CABP4: variants seen among roughly 807,000 people sequenced by gnomAD.
CABP4 encodes the protein calcium binding protein 4.
Under a neutral mutation model 30.7 loss-of-function variants are expected in CABP4, and 30 were observed. The observed-to-expected ratio is 0.98, with a 90% CI of 0.73 to 1.33. The LOEUF is 1.33. Ranked by LOEUF, CABP4 falls within the 40% of genes most tolerant of loss-of-function variation. The probability of loss-of-function intolerance (pLI) is 0.00; values close to 1 mark genes in which losing one functional copy is unlikely to be tolerated. For missense variants in CABP4, 424 were observed against 395.5 expected (o/e 1.07, Z -0.61); for synonymous variants, 161 against 159.2 (o/e 1.01, Z -0.08).
upstream of CABP4, among the ~76,000 whole-genome samples, chr11:67,455,070 A>G (rs1864712901): frequency 6.6e-6 from 1 of 152,180 alleles, no homozygotes; most frequent in Non-Finnish European, 1.5e-5. Context: ...CTCTAGCATT[A>G]TTCCCCATGT....
At chr11:67,455,888 C>T (rs1864768023) in intron 1 of CABP4, 99 bp downstream of exon 1, 2 of 1,454,192 alleles carry the variant, frequency 1.4e-6, no homozygotes, top group East Asian at 2.5e-5. Context: ...CCCTCTGCCT[C>T]TTCTGCCCCA....
chr11:67,456,982 T>C (rs1194224805), intron 3 of CABP4, among the ~76,000 whole-genome samples: 4 of 152,232 alleles, frequency 2.6e-5, no homozygotes, highest in African/African-American at 7.2e-5. Flanking sequence ...AAATCTCATA[T>C]TCACTTCATT....
At chr11:67,456,881 C>G (rs1195367222) in intron 3 of CABP4, among the ~76,000 whole-genome samples, 1 of 152,220 alleles carries the variant, frequency 6.6e-6, no homozygotes, top group African/African-American at 2.4e-5. Flanking sequence ...ATTGGGGTCG[C>G]CCTGATGGGA....
At chr11:67,453,989 T>C (rs1352675953), upstream of CABP4, among the ~76,000 whole-genome samples, 1 of 152,128 alleles carries the variant, frequency 6.6e-6, no homozygotes, top group African/African-American at 2.4e-5. Context: ...CCCCACAGCC[T>C]GGGGTCAGGA....
chr11:67,456,556 G>A (rs1864812253), intron 3 of CABP4, 114 bp downstream of exon 3: 7 of 1,362,748 alleles, frequency 5.1e-6, no homozygotes, highest in Non-Finnish European at 7.1e-6. Flanking sequence ...GTGAGGGAGG[G>A]TGGCGGTTTC....
chr11:67,455,692 C>A lies in CABP4; in HGVS notation c.269C>A (p.Pro90Gln). The A allele has an allele frequency of 6.2e-7, 1 of 1,608,036 alleles. No individual in the cohort carries two copies. The highest frequency in any genetic ancestry group is 8.5e-7 in the Non-Finnish European group (1 of 1,178,504). Residue 90 changes from proline (P) to glutamine (Q), a missense_variant, in exon 1 of 6, where the codon CCG (proline) becomes CAG (glutamine). By Grantham distance (76) the Pro-to-Gln change is moderately conservative. Coordinates refer to ENST00000325656, the MANE Select transcript of CABP4 (RefSeq NM_145200.5). ...PAGAPPASPG[P>Q]ASSRQSHRHR... is the part of the protein sequence containing the mutation. ...GGCGCACCCCCTGCATCCCCTGGGC[C>A]GGCCTCTTCTCGCCAGTCCCACCGA...
chr11:67,461,088 G>A lies in CABP4; in HGVS notation c.*2429G>A, dbSNP rs1345500780. On this transcript the variant is annotated 3_prime_UTR_variant, in exon 6 of 6. Transcript: ENST00000325656. ...AAGGCAGGAGGATCACTTGAGGCCAGGAGTTTGAGACCAGCCTAACAGCAA... is the reference window on the plus strand; with the variant it reads ...AAGGCAGGAGGATCACTTGAGGCCAAGAGTTTGAGACCAGCCTAACAGCAA... 6.6e-6 allele frequency among the ~76,000 whole-genome samples: 1 copy of A among 152,088 alleles called. No individual in the cohort carries two copies. The highest frequency in any genetic ancestry group is 1.5e-5 in the Non-Finnish European group (1 of 68,030).
Position 67,458,971 on chromosome 11 carries a change from G to T in CABP4, c.*312G>T. 1 of 487,898 alleles carries T rather than the reference G, an allele frequency of 2.0e-6. No homozygotes were observed. 30.2% of individuals were successfully genotyped at this position (487,898 alleles called of 1,614,324 possible). A position where few individuals can be genotyped will look rare whatever the true frequency, so the allele number is the denominator to read the frequency against. ...AGTTCCCTGGCACTGGCAGCATTCA[G>T]TGGGGACCCCCCAGTGGCATGATGA... On this transcript the variant is annotated 3_prime_UTR_variant, in exon 6 of 6. Coordinates refer to ENST00000325656, the MANE Select transcript of CABP4 (RefSeq NM_145200.5).
At position 67,458,470 on chromosome 11, in the gene CABP4, A is replaced by G. The variant is rs1864905834; in HGVS notation, c.751A>G (p.Met251Val). ...EPLAGPELDE[M>V]LREVDLNGDG... ...GCTGGCGGGTCCTGAGCTGGACGAG[A>G]TGCTCCGAGAAGTGGACCTCAATGG... Residue 251 changes from methionine (M) to valine (V), a missense_variant, in exon 5 of 6, where the codon ATG (methionine) becomes GTG (valine). Met to Val is a conservative substitution (Grantham distance 21). Transcript: ENST00000325656. The G allele has an allele frequency of 6.2e-7, 1 of 1,613,690 alleles. No homozygotes were observed. Among genetic ancestry groups the G allele is most frequent in the Non-Finnish European group, 8.5e-7 (1 of 1,179,966 alleles).
At position 67,459,623 on chromosome 11, in the gene CABP4, C is replaced by T. The variant is rs531286246; in HGVS notation, c.*964C>T. 5 of 152,346 alleles carry T rather than the reference C, an allele frequency of 3.3e-5. No homozygotes were observed. The South Asian group carries it at 6.2e-4, about 19-fold the overall frequency. The allele number at this position is 152,346 out of a possible 1,614,324, so 9.4% of individuals were successfully genotyped here. A position where few individuals can be genotyped will look rare whatever the true frequency, so the allele number is the denominator to read the frequency against. ...GGGTGTGAAAAACTGGAAAAAAACCCTGCCGCTCCCAAAGGGGAACTTGTG... is the reference window on the plus strand; with the variant it reads ...GGGTGTGAAAAACTGGAAAAAAACCTTGCCGCTCCCAAAGGGGAACTTGTG... On this transcript the variant is annotated 3_prime_UTR_variant, in exon 6 of 6. Transcript: ENST00000325656.
chr11:67,455,847 C>T, intron 1 of CABP4, 58 bp downstream of exon 1: 5 of 1,534,510 alleles, frequency 3.3e-6, no homozygotes, highest in Non-Finnish European at 3.5e-6. Flanking sequence ...AGACACACCC[C>T]TTGGGCTCAG....
chr11:67,454,961 C>T (rs1242562694), upstream of CABP4, among the ~76,000 whole-genome samples: 2 of 152,214 alleles, frequency 1.3e-5, no homozygotes, highest in East Asian at 1.9e-4. Context: ...ACCTCCCAGC[C>T]GTTGTCCGCA....
chr11:67,453,661 C>CA (rs35233047), upstream of CABP4: 13,347 of 114,338 alleles, frequency 0.12, 2,737 homozygotes, highest in African/African-American at 0.41. Context: ...AACTCTGTCT[C>CA]AAAAAAAAAA....
At chr11:67,454,913 T>TG (rs928794292), upstream of CABP4, among the ~76,000 whole-genome samples, 14 of 152,126 alleles carry the variant, frequency 9.2e-5, 2 homozygotes, top group Admixed American at 7.2e-4. Flanking sequence ...ATGTCACCCA[T>TG]GGGGGGGCCC....
chr11:67,454,604 C>G (rs1227837865), upstream of CABP4, among the ~76,000 whole-genome samples: 1 of 152,222 alleles, frequency 6.6e-6, no homozygotes, highest in African/African-American at 2.4e-5. Context: ...CCCGGCAGCG[C>G]TAAGGCGGGT....
At chr11:67,455,342 G>A, upstream of CABP4, 1 of 1,511,350 alleles carries the variant, frequency 6.6e-7, no homozygotes, top group Non-Finnish European at 8.9e-7. Context: ...CTAAGAGTGG[G>A]GGTGCATAAG....
In CABP4 at chr11:67,456,440, GCAGT is replaced by G; in HGVS notation, c.541+6_541+9del. On this transcript the variant is annotated splice_donor_variant and coding_sequence_variant, in exon 3 of 6. Transcript: ENST00000325656. LOFTEE classifies it high-confidence loss of function. The stretch of plus-strand genomic sequence containing the variant: ...GAGGTCTCGCAGCACATCAAGATGC[GCAGT>G]CAGTCAGGGAGCCCGCCCGCCCGGG... 1 of 1,610,500 alleles carries G rather than the reference GCAGT, an allele frequency of 6.2e-7. No individual in the cohort carries two copies. Among genetic ancestry groups the G allele is most frequent in the Non-Finnish European group, 8.5e-7 (1 of 1,179,962 alleles).
At chr11:67,457,958 G>A (rs1035715097) in intron 4 of CABP4, among the ~76,000 whole-genome samples, 6 of 152,142 alleles carry the variant, frequency 3.9e-5, no homozygotes, top group Admixed American at 6.5e-5. Context: ...TACAGGCAGC[G>A]GTAAGAGTGG....
chr11:67,457,508 G>T (rs1864855758), intron 3 of CABP4, 65 bp from the exon 4 acceptor site: 3 of 1,390,188 alleles, frequency 2.2e-6, no homozygotes, highest in Admixed American at 2.0e-5. Context: ...TGGCCTGTGG[G>T]ATGTCCCTCC....
Sources: allele counts gnomAD v4.1 joint callset (sites outside exome capture counted in the v4.1 genomes callset), GRCh38; gene constraint gnomAD v4.1.1; transcripts MANE v1.5; gene names NCBI Gene and HGNC (gene_info 2026-07-23, HGNC 2026-07-21).